The following ZNF205 variants were observed in gnomAD, a reference collection of about 807,000 sequenced individuals.
ZNF205 encodes the protein transcriptional repressor RHIT.
ZNF205 carries 32 observed loss-of-function variants against 53.6 expected under a neutral mutation model. That is an observed-to-expected ratio of 0.60 (90% CI 0.45 to 0.80). The LOEUF (loss-of-function observed/expected upper bound fraction) is 0.80, where lower values mean the gene tolerates loss of function less well. Ranked by LOEUF, ZNF205 falls within the 30% of genes least tolerant of loss-of-function variation. The pLI is 0.00. For synonymous variants in ZNF205, 382 were observed against 334.3 expected (o/e 1.14, Z -1.56); for missense variants, 836 against 782.4 (o/e 1.07, Z -0.82).
Position 3,120,147 on chromosome 16 carries a change from G to A in ZNF205, c.1487G>A (p.Arg496His). 1 of 1,613,196 alleles carries A rather than the reference G, an allele frequency of 6.2e-7. No individual in the cohort carries two copies. Among genetic ancestry groups the A allele is most frequent in the South Asian group, 1.1e-5 (1 of 91,024 alleles). ...SHSSHLTAHQ[R>H]THRGVRPYAC... ...AGCTCGCACCTCACCGCGCACCAGC[G>A]CACCCACCGTGGCGTGCGGCCCTAC... is the stretch of plus-strand genomic sequence containing the variant. Residue 496 changes from arginine to histidine, a missense_variant, in exon 7 of 7, where the codon CGC becomes CAC. Transcript: ENST00000219091.
In ZNF205 at chr16:3,119,593, G is replaced by A. The variant is rs763335944; in HGVS notation, c.933G>A (p.Glu311=). ...SEVGRKSYRC[E]QCGKGFSWHS... ...TGGGCAGGAAGAGCTACCGGTGCGA[G>A]CAGTGCGGCAAGGGCTTCAGCTGGC... The change falls in exon 7 of 7, where the codon GAG becomes GAA. Residue 311 remains glutamate, a synonymous_variant. Transcript: ENST00000219091. 1.9e-6 allele frequency: 3 copies of A among 1,609,524 alleles called. No individual in the cohort carries two copies. Among genetic ancestry groups the A allele is most frequent in the South Asian group, 2.2e-5 (2 of 90,684 alleles).
chr16:3,119,875 G>A lies in ZNF205; in HGVS notation c.1215G>A (p.Ser405=), dbSNP rs1363536411. The change falls in exon 7 of 7, where the codon TCG becomes TCA. Residue 405 remains serine, a synonymous_variant. Coordinates refer to ENST00000219091, the MANE Select transcript of ZNF205 (RefSeq NM_001042428.2). ...GCGCCAAGCGCTTCACCCGCCGCTC[G>A]GACTTGGTCACCCACCAGGGCACCC... is the stretch of plus-strand genomic sequence containing the variant. The part of the protein sequence containing the change: ...DRCAKRFTRR[S]DLVTHQGTHT... 6 of 1,613,478 alleles carry A rather than the reference G, an allele frequency of 3.7e-6. No individual in the cohort carries two copies. The highest frequency in any genetic ancestry group is 1.1e-5 in the South Asian group (1 of 91,058).
intron 5 of ZNF205, among the ~76,000 whole-genome samples, chr16:3,117,650 G>T (rs371105343): frequency 6.6e-6 from 1 of 150,954 alleles, no homozygotes; most frequent in Admixed American, 6.6e-5. Flanking sequence ...ATGGGATCTC[G>T]CTATGTTGCC....
intron 5 of ZNF205, 123 bp from the exon 6 acceptor site, chr16:3,118,782 T>G: frequency 9.2e-7 from 1 of 1,081,766 alleles, no homozygotes; most frequent in Non-Finnish European, 1.3e-6. Context: ...TGAAACTGCT[T>G]TATTTTACCC....
chr16:3,118,882 G>A, intron 5 of ZNF205, 23 bp from the exon 6 acceptor site: 1 of 1,611,122 alleles, frequency 6.2e-7, no homozygotes, highest in South Asian at 1.1e-5. Flanking sequence ...GCCTGTGACA[G>A]CACAGCATCT....
intron 1 of ZNF205, 73 bp downstream of exon 1, chr16:3,112,755 G>A (rs1310952214): frequency 1.3e-5 from 3 of 239,900 alleles, no homozygotes; most frequent in Non-Finnish European, 2.5e-5. Flanking sequence ...AGGAGGGGAT[G>A]GGGTCAAAGG....
chr16:3,117,450 T>TTTTC (rs1957360163), intron 5 of ZNF205, among the ~76,000 whole-genome samples: 1 of 136,012 alleles, frequency 7.4e-6, no homozygotes. Flanking sequence ...AGCTTTTTTT[T>TTTTC]TTTTTTTTTT....
rs779499066 is a variant in ZNF205, at chr16:3,115,816, TCTC to T, written c.272-8_272-6del. On this transcript the variant is annotated splice_polypyrimidine_tract_variant and intron_variant, in intron 3 of 6. Coordinates refer to ENST00000219091, the MANE Select transcript of ZNF205 (RefSeq NM_001042428.2). ...ATGAGCTGATCACCGTGAGGACCTC[TCTC>T]CTCCCACAGCCCTCCCCTCCCCCCG... 4 of 1,607,966 alleles carry T rather than the reference TCTC, an allele frequency of 2.5e-6. No homozygotes were observed. In the South Asian group the frequency reaches 4.4e-5, roughly 18 times the overall value.
At chr16:3,113,939 G>A (rs540523510) in intron 2 of ZNF205, among the ~76,000 whole-genome samples, 23 of 152,114 alleles carry the variant, frequency 1.5e-4, no homozygotes, top group African/African-American at 4.8e-4. Flanking sequence ...CTGGGTCTCC[G>A]GGCTTGGAGT....
Position 3,120,065 on chromosome 16 carries a change from A to G in ZNF205, c.1405A>G (p.Thr469Ala), listed in dbSNP as rs1957404320. Residue 469 changes from threonine (T) to alanine (A), a missense_variant, in exon 7 of 7, where the codon ACA becomes GCA. Transcript: ENST00000219091. ...QRSNLIAHNR[T>A]HTGEKPYHCL... is the part of the protein sequence containing the mutation. ...TTCCAACCTCATCGCGCACAACCGC[A>G]CACACACAGGCGAGAAGCCCTACCA... The G allele has an allele frequency of 1.9e-6, 3 of 1,613,738 alleles. No individual in the cohort carries two copies. In the African/African-American group the frequency reaches 4.0e-5, roughly 22 times the overall value.
At position 3,120,093 on chromosome 16, in the gene ZNF205, G is replaced by A; in HGVS notation, c.1433G>A (p.Cys478Tyr). ...CACACAGGCGAGAAGCCCTACCACT[G>A]CCTCGACTGCGGCAAGAGCTTCAGC... ...RTHTGEKPYH[C>Y]LDCGKSFSHS... The change falls in exon 7 of 7, where the codon TGC becomes TAC. Residue 478 changes from cysteine (C) to tyrosine (Y), a missense_variant. Cys to Tyr is a radical substitution (Grantham distance 194). Coordinates refer to ENST00000219091, the MANE Select transcript of ZNF205 (RefSeq NM_001042428.2). 6.2e-7 allele frequency: 1 copy of A among 1,613,814 alleles called. No homozygotes were observed. Among genetic ancestry groups the A allele is most frequent in the African/African-American group, 1.3e-5 (1 of 75,022 alleles).
At position 3,120,373 on chromosome 16, in the gene ZNF205, C is replaced by T. The variant is rs910071985; in HGVS notation, c.*48C>T. On this transcript the variant is annotated 3_prime_UTR_variant, in exon 7 of 7. Coordinates refer to ENST00000219091, the MANE Select transcript of ZNF205 (RefSeq NM_001042428.2). ...GGCGCCCAGGGCCACTGGAACAGCC[C>T]CACTGGAGTCAAGGCTCCGAGGGAG... The T allele has an allele frequency of 1.5e-5, 22 of 1,450,844 alleles. No homozygotes were observed. Among genetic ancestry groups the T allele is most frequent in the Non-Finnish European group, 1.9e-5 (21 of 1,108,900 alleles). 89.9% of individuals were successfully genotyped at this position (1,450,844 alleles called of 1,614,324 possible). A position where few individuals can be genotyped will look rare whatever the true frequency, so the allele number is the denominator to read the frequency against.
At chr16:3,117,466 T>TTTTTTTTG (rs1957360468) in intron 5 of ZNF205, among the ~76,000 whole-genome samples, 1 of 147,464 alleles carries the variant, frequency 6.8e-6, no homozygotes, top group African/African-American at 2.5e-5. Context: ...TTTTTTTTTT[T>TTTTTTTTG]GAAACACAGC....
intron 5 of ZNF205, 75 bp from the exon 6 acceptor site, chr16:3,118,830 A>C: frequency 6.9e-7 from 1 of 1,457,024 alleles, no homozygotes; most frequent in Non-Finnish European, 9.3e-7. Flanking sequence ...TGGGCCCATC[A>C]GTTTTGGGGA....
Position 3,115,564 on chromosome 16 carries a change from C to CGGA in ZNF205, c.270_271+1dup. 6.3e-7 allele frequency: 1 copy of CGGA among 1,587,542 alleles called. No homozygotes were observed. The highest frequency in any genetic ancestry group is 8.5e-7 in the Non-Finnish European group (1 of 1,170,646). ...AGGAGAAAGCTCTCTTCCTGCCTGG[C>CGGA]GGAGGTAGGAGAGGGACGGGGAAGA... is the stretch of plus-strand genomic sequence containing the variant. On this transcript the variant is annotated inframe_insertion, in exon 3 of 7. Transcript: ENST00000219091.
At chr16:3,113,737 G>C (rs1304160660) in intron 2 of ZNF205, among the ~76,000 whole-genome samples, 1 of 152,150 alleles carries the variant, frequency 6.6e-6, no homozygotes, top group Non-Finnish European at 1.5e-5. Context: ...TATCAGTGAG[G>C]TTTTCTTTCT....
Position 3,119,422 on chromosome 16 carries a change from G to T in ZNF205, c.762G>T (p.Pro254=). The part of the protein sequence containing the change: ...SSGPAKDSGQ[P]AEPDRTPDAA... ...GGCCGGCCAAAGACTCCGGGCAGCC[G>T]GCTGAGCCAGATCGCACCCCGGATG... is the stretch of plus-strand genomic sequence containing the variant. Residue 254 remains proline (P), a synonymous_variant, in exon 7 of 7, where the codon CCG becomes CCT. Transcript: ENST00000219091. 2 of 1,603,294 alleles carry T rather than the reference G, an allele frequency of 1.2e-6. No individual in the cohort carries two copies. Among genetic ancestry groups the T allele is most frequent in the Non-Finnish European group, 1.7e-6 (2 of 1,175,982 alleles).
In ZNF205 at chr16:3,119,635, G is replaced by A. The variant is rs1487101349; in HGVS notation, c.975G>A (p.Thr325=). Residue 325 remains threonine (T), a synonymous_variant, in exon 7 of 7, where the codon ACG becomes ACA. Coordinates refer to ENST00000219091, the MANE Select transcript of ZNF205 (RefSeq NM_001042428.2). ...TCAGCTGGCACTCGCACCTGGTGAC[G>A]CACCGGCGCACGCACACGGGCGAGA... is the stretch of plus-strand genomic sequence containing the variant. ...KGFSWHSHLV[T]HRRTHTGEKP... is the part of the protein sequence containing the mutation. 8.1e-6 allele frequency: 13 copies of A among 1,611,690 alleles called. No individual in the cohort carries two copies. Among genetic ancestry groups the A allele is most frequent in the Non-Finnish European group, 1.0e-5 (12 of 1,179,390 alleles).
In ZNF205 at chr16:3,119,569, G is replaced by A; in HGVS notation, c.909G>A (p.Val303=). The change falls in exon 7 of 7, where the codon GTG becomes GTA. Residue 303 remains valine (V), a synonymous_variant. Coordinates refer to ENST00000219091, the MANE Select transcript of ZNF205 (RefSeq NM_001042428.2). The part of the protein sequence containing the change: ...GEEGLAPDSE[V]GRKSYRCEQC... ...AGGGCCTGGCCCCTGACAGTGAGGT[G>A]GGCAGGAAGAGCTACCGGTGCGAGC... 6.2e-7 allele frequency: 1 copy of A among 1,608,506 alleles called. No individual in the cohort carries two copies. The highest frequency in any genetic ancestry group is 8.5e-7 in the Non-Finnish European group (1 of 1,177,888).
Sources: allele counts gnomAD v4.1 joint callset (sites outside exome capture counted in the v4.1 genomes callset), GRCh38; gene constraint gnomAD v4.1.1; transcripts MANE v1.5; gene names NCBI Gene and HGNC (gene_info 2026-07-23, HGNC 2026-07-21).